The following EHMT1 variants were observed in gnomAD, a reference collection of about 807,000 sequenced individuals.
EHMT1 encodes the protein euchromatic histone lysine methyltransferase 1, also known as histone-lysine N-methyltransferase EHMT1.
In EHMT1, 15 loss-of-function variants were observed where a neutral mutation model predicts 147.2. That is an observed-to-expected ratio of 0.10 (90% confidence interval 0.07 to 0.16). EHMT1 has a LOEUF of 0.16. EHMT1 is among the 10% of genes least tolerant of loss of function. The probability of loss-of-function intolerance (pLI) is 1.00; values close to 1 mark genes in which losing one functional copy is unlikely to be tolerated. For synonymous variants in EHMT1, 795 were observed against 709.6 expected (o/e 1.12, Z -1.91); for missense variants, 1,587 against 1,772.4 (o/e 0.90, Z 1.88).
intron 2 of EHMT1, among the ~76,000 whole-genome samples, chr9:137,711,889 C>T (rs1368105461): frequency 6.6e-6 from 1 of 152,254 alleles, no homozygotes; most frequent in Non-Finnish European, 1.5e-5. Flanking sequence ...GCCTGCTCCT[C>T]TCCAGACAGC....
chr9:137,796,155 C>T (rs567527038), intron 16 of EHMT1, among the ~76,000 whole-genome samples: 3 of 152,324 alleles, frequency 2.0e-5, no homozygotes, highest in Admixed American at 6.5e-5. Flanking sequence ...CGCGCTTGCA[C>T]GTGGCAAGCA....
At chr9:137,815,616 A>T (rs1027246306) in intron 22 of EHMT1, 3 of 393,342 alleles carry the variant, frequency 7.6e-6, no homozygotes, top group Non-Finnish European at 9.7e-6. Context: ...TGAAGAAAGC[A>T]GAGCAACCCA....
intron 6 of EHMT1, among the ~76,000 whole-genome samples, chr9:137,750,285 A>C (rs1948862700): frequency 6.6e-6 from 1 of 152,216 alleles, no homozygotes; most frequent in South Asian, 2.1e-4. Flanking sequence ...AAGCTGCACA[A>C]ACACACAGAG....
At chr9:137,666,336 T>G (rs572997982) in intron 1 of EHMT1, among the ~76,000 whole-genome samples, 1 of 152,282 alleles carries the variant, frequency 6.6e-6, no homozygotes, top group Non-Finnish European at 1.5e-5. Flanking sequence ...TTTTCAGTTA[T>G]GCTGATGATA....
chr9:137,626,219 C>G (rs578027462), intron 1 of EHMT1, among the ~76,000 whole-genome samples: 1 of 151,634 alleles, frequency 6.6e-6, no homozygotes. Context: ...TTAGTATCTC[C>G]TGTTCTTGTT....
intron 1 of EHMT1, among the ~76,000 whole-genome samples, chr9:137,630,917 T>C (rs1843586197): frequency 6.6e-6 from 1 of 152,060 alleles, no homozygotes. Context: ...CTGTAGACAG[T>C]CCTTGAAGAT....
chr9:137,717,606 A>AAG (rs1491268895), intron 3 of EHMT1, among the ~76,000 whole-genome samples: 1 of 60,300 alleles, frequency 1.7e-5, no homozygotes, highest in Non-Finnish European at 3.7e-5. Flanking sequence ...ACCCTGTCTC[A>AAG]AAAAAAAAAA....
At chr9:137,757,836 C>CCA (rs779186787) in intron 8 of EHMT1, 44 bp from the exon 9 acceptor site, 2 of 1,611,442 alleles carry the variant, frequency 1.2e-6, no homozygotes, top group South Asian at 2.2e-5. Context: ...TGGGTGCGGC[C>CCA]GCCTGGGTGC....
At chr9:137,816,092 C>T (rs1954897018) in intron 23 of EHMT1, 30 bp downstream of exon 23, 2 of 1,584,376 alleles carry the variant, frequency 1.3e-6, no homozygotes, top group African/African-American at 1.4e-5. Flanking sequence ...CGGAGCCCCA[C>T]ATTCTGCTCG....
chr9:137,641,161 AC>A (rs1192567119), intron 1 of EHMT1: 2 of 413,198 alleles, frequency 4.8e-6, no homozygotes, highest in African/African-American at 2.1e-5. Flanking sequence ...ACTCATCTGC[AC>A]CTGCGTCAGA....
At chr9:137,699,248 G>A (rs1943642832) in intron 1 of EHMT1, among the ~76,000 whole-genome samples, 1 of 152,232 alleles carries the variant, frequency 6.6e-6, no homozygotes, top group Non-Finnish European at 1.5e-5. Context: ...ATGTAGTAAA[G>A]TTAAGGTTAA....
intron 14 of EHMT1, among the ~76,000 whole-genome samples, chr9:137,780,905 G>A (rs1224194623): frequency 9.3e-6 from 1 of 108,004 alleles, no homozygotes; most frequent in African/African-American, 3.6e-5. Flanking sequence ...TGGGATGTGT[G>A]GTGATGACGC....
At chr9:137,822,647 C>T (rs1955504851) in intron 25 of EHMT1, among the ~76,000 whole-genome samples, 1 of 152,100 alleles carries the variant, frequency 6.6e-6, no homozygotes, top group South Asian at 2.1e-4. Flanking sequence ...GTAATCCCAG[C>T]ACTTTGGAAG....
chr9:137,709,898 C>T (rs1406251978), intron 1 of EHMT1, among the ~76,000 whole-genome samples: 3 of 152,250 alleles, frequency 2.0e-5, no homozygotes, highest in African/African-American at 7.2e-5. Flanking sequence ...GGGCTTTCTC[C>T]AGTATCACAT....
chr9:137,653,291 A>G (rs148494738), intron 1 of EHMT1, among the ~76,000 whole-genome samples: 12 of 152,292 alleles, frequency 7.9e-5, no homozygotes, highest in African/African-American at 2.6e-4. Flanking sequence ...GCAGTATTCA[A>G]CACAGTAACA....
In EHMT1 at chr9:137,787,725, C is replaced by A; in HGVS notation, c.2383-3123C>A. 1.4e-6 allele frequency: 1 copy of A among 726,954 alleles called. No homozygotes were observed. The highest frequency in any genetic ancestry group is 2.4e-6 in the Non-Finnish European group (1 of 410,802). 45.0% of individuals were successfully genotyped at this position (726,954 alleles called of 1,614,324 possible). On this transcript the variant is annotated intron_variant, in intron 15 of 26. Transcript: ENST00000460843. The surrounding 1 kb of genome is among the most constrained non-coding windows in gnomAD (Gnocchi z 4.2). ...CAGGGGCCGCCAGGTCCCCAGGGTG[C>A]CACCGAAACATCGTAGATGCTTTTG...
intron 1 of EHMT1, among the ~76,000 whole-genome samples, chr9:137,627,537 TGACAGGCG>T (rs1843343251): frequency 4.1e-5 from 6 of 145,824 alleles, no homozygotes; most frequent in South Asian, 2.2e-4. Flanking sequence ...AATGCTGGGA[TGACAGGCG>T]TGAGCCGCTG....
intron 1 of EHMT1, among the ~76,000 whole-genome samples, 154 bp downstream of exon 1, chr9:137,619,203 T>C (rs1412771395): frequency 7.5e-6 from 1 of 132,462 alleles, no homozygotes; most frequent in Non-Finnish European, 1.6e-5. Context: ...TGCCGCCGCC[T>C]CAGGCCGAGG....
chr9:137,715,943 A>T (rs1243357237), intron 2 of EHMT1, among the ~76,000 whole-genome samples: 1 of 152,082 alleles, frequency 6.6e-6, no homozygotes, highest in Non-Finnish European at 1.5e-5. Flanking sequence ...TTTGAACTGA[A>T]ATGCTGGTTT....
Sources: gnomAD v4.1 joint callset for allele counts (sites outside exome capture counted in the v4.1 genomes callset) on GRCh38, gnomAD v4.1.1 for gene constraint, Gnocchi (gnomAD v3.1) non-coding constraint, MANE v1.5 for transcripts, NCBI Gene and HGNC (gene_info 2026-07-23, HGNC 2026-07-21) for gene names.